Variants in TUT7 observed in about 807,000 individuals in gnomAD.
TUT7 encodes terminal uridylyl transferase 7.
A neutral mutation model predicts 165.9 loss-of-function variants in TUT7; 33 were observed. The ratio of observed to expected loss-of-function variants is 0.20; its 90% confidence interval spans 0.15 to 0.27. The LOEUF is 0.27. Ranked by LOEUF, TUT7 falls within the 10% of genes least tolerant of loss-of-function variation. TUT7 has a pLI of 1.00. For synonymous variants in TUT7, 552 were observed against 608.1 expected (o/e 0.91, Z 1.36); for missense variants, 1,338 against 1,762.3 (o/e 0.76, Z 4.31).
At chr9:86,353,985 C>T (rs1424326876) in intron 1 of TUT7, among the ~76,000 whole-genome samples, 1 of 152,194 alleles carries the variant, frequency 6.6e-6, no homozygotes, top group African/African-American at 2.4e-5. Flanking sequence ...CCTTTTGAGC[C>T]CGACGTGGAG....
intron 16 of TUT7, among the ~76,000 whole-genome samples, 173 bp from the exon 17 acceptor site, chr9:86,317,449 G>A (rs187883753): frequency 2.4e-4 from 37 of 152,212 alleles, no homozygotes; most frequent in Admixed American, 1.0e-3. Flanking sequence ...ATATCCTGAC[G>A]GTACAAAAAC....
chr9:86,333,943 C>T (rs1228002010), intron 10 of TUT7, among the ~76,000 whole-genome samples: 1 of 152,022 alleles, frequency 6.6e-6, no homozygotes, highest in Non-Finnish European at 1.5e-5. Flanking sequence ...CTGTGTTTCC[C>T]TAAAGACTTC....
intron 17 of TUT7, 121 bp downstream of exon 17, chr9:86,317,098 A>C: frequency 1.3e-6 from 1 of 750,232 alleles, no homozygotes; most frequent in Non-Finnish European, 2.2e-6. Context: ...CTGCTGGGGA[A>C]GGGAGGGTTG....
chr9:86,352,543 C>A, intron 2 of TUT7, 137 bp downstream of exon 2: 2 of 982,900 alleles, frequency 2.0e-6, no homozygotes, highest in Admixed American at 1.9e-5. Context: ...AATAATCACA[C>A]TAAGTGACCA....
chr9:86,303,168 C>T lies in TUT7; in HGVS notation c.4012G>A (p.Gly1338Arg). ...CATCTATCATTTGGGGCCAGCTCTCCTTCAGTTAACACATCTGGATCAAAA... is the reference window on the plus strand; with the variant it reads ...CATCTATCATTTGGGGCCAGCTCTCTTTCAGTTAACACATCTGGATCAAAA... ...YFFDPDVLTE[G>R]ELAPNDRCCR... Residue 1338 changes from glycine to arginine, a missense_variant, in exon 25 of 27, where the codon GGA becomes AGA. Around this residue, in one of 7 missense-constraint regions of TUT7, gnomAD observed 167 missense variants for 204.9 expected, o/e 0.82. Transcript: ENST00000375963. 6.2e-7 allele frequency: 1 copy of T among 1,609,352 alleles called. No homozygotes were observed.
intron 26 of TUT7, among the ~76,000 whole-genome samples, chr9:86,295,680 C>T (rs1055705338): frequency 1.2e-4 from 18 of 151,982 alleles, no homozygotes; most frequent in African/African-American, 3.6e-4. Flanking sequence ...CACTGGTTTT[C>T]GTTTTTTAAA....
chr9:86,312,919 C>T (rs1035927118), intron 17 of TUT7, among the ~76,000 whole-genome samples: 1 of 151,934 alleles, frequency 6.6e-6, no homozygotes, highest in Non-Finnish European at 1.5e-5. Flanking sequence ...GCAGCATGCT[C>T]GTTAAGAGTC....
chr9:86,308,558 A>G lies in TUT7; in HGVS notation c.3709T>C (p.Leu1237=), dbSNP rs781290945. The G allele has an allele frequency of 1.2e-6, 2 of 1,613,856 alleles. No individual in the cohort carries two copies. The highest frequency in any genetic ancestry group is 1.1e-5 in the South Asian group (1 of 91,026). Residue 1237 remains leucine, a synonymous_variant, in exon 22 of 27, where the codon TTA becomes CTA. Coordinates refer to ENST00000375963, the MANE Select transcript of TUT7 (RefSeq NM_024617.4). ...TAGAAACGAAGAAGGCCCAACCATA[A>G]CTGCCCAACAGATTCTGTATTTTTT... is the stretch of plus-strand genomic sequence containing the variant. ...CGKNTESVGQ[L]WLGLLRFYTE...
At position 86,301,547 on chromosome 9, in the gene TUT7, G is replaced by T. The variant is rs1374340732; in HGVS notation, c.4149C>A (p.Asn1383Lys). Reference protein sequence around the residue: ...EDALNQRYPENKEKRSKEDKE... With the variant: ...EDALNQRYPEKKEKRSKEDKE... Reference sequence around the variant, plus strand: ...TGTCCTCTTTGCTTCTTTTTTCCTTGTTCTCAGGGTATCTTTGGTTCAGGG... The same window carrying T: ...TGTCCTCTTTGCTTCTTTTTTCCTTTTTCTCAGGGTATCTTTGGTTCAGGG... Residue 1383 changes from asparagine to lysine, a missense_variant, in exon 26 of 27, where the codon AAC (asparagine) becomes AAA (lysine). Coordinates refer to ENST00000375963, the MANE Select transcript of TUT7 (RefSeq NM_024617.4). The T allele has an allele frequency of 2.5e-6, 4 of 1,612,740 alleles. No homozygotes were observed. The highest frequency in any genetic ancestry group is 1.6e-4 in the Middle Eastern group (1 of 6,082).
chr9:86,317,113 GT>G, intron 17 of TUT7, 105 bp downstream of exon 17: 1 of 911,482 alleles, frequency 1.1e-6, no homozygotes, highest in Admixed American at 2.1e-5. Flanking sequence ...GGGTTGAGGG[GT>G]GATGGGTGGG....
In TUT7 at chr9:86,353,066, C is replaced by G; in HGVS notation, c.134G>C (p.Ser45Thr). Residue 45 changes from serine to threonine, a missense_variant, in exon 2 of 27, where the codon AGT (serine) becomes ACT (threonine). Ser to Thr is a moderately conservative substitution (Grantham distance 58, BLOSUM62 1). Transcript: ENST00000375963. ...IIDDHAKGHGSKMEKGLQKKK... is the reference protein window; with the variant it reads ...IIDDHAKGHGTKMEKGLQKKK... The stretch of plus-strand genomic sequence containing the variant: ...TTTTTGAAGGCCCTTTTCCATTTTA[C>G]TGCCATGGCCTTTAGCATGGTCATC... 3 of 1,614,170 alleles carry G rather than the reference C, an allele frequency of 1.9e-6. No individual in the cohort carries two copies. The highest frequency in any genetic ancestry group is 2.5e-6 in the Non-Finnish European group (3 of 1,180,026).
At chr9:86,301,696 A>G in intron 25 of TUT7, 95 bp from the exon 26 acceptor site, 1 of 1,514,768 alleles carries the variant, frequency 6.6e-7, no homozygotes, top group Non-Finnish European at 8.8e-7. Flanking sequence ...TCTAGATTTA[A>G]GAGATGACCA....
At chr9:86,296,997 T>C (rs1402092805) in intron 26 of TUT7, among the ~76,000 whole-genome samples, 1 of 152,248 alleles carries the variant, frequency 6.6e-6, no homozygotes, top group African/African-American at 2.4e-5. Context: ...TGGTATAAAG[T>C]AACATAATTA....
In TUT7 at chr9:86,308,333, C is replaced by T. The variant is rs546518000; in HGVS notation, c.3838+96G>A. 1.3e-4 allele frequency: 158 copies of T among 1,170,770 alleles called. No individual in the cohort carries two copies. Among genetic ancestry groups the T allele is most frequent in the Non-Finnish European group, 1.7e-4 (144 of 843,608 alleles). 72.5% of individuals were successfully genotyped at this position (1,170,770 alleles called of 1,614,324 possible). On this transcript the variant is annotated intron_variant, in intron 22 of 26. Transcript: ENST00000375963. The stretch of plus-strand genomic sequence containing the variant: ...CAATGAGACTGGGGCACTGCACACC[C>T]CAAGCAGCTGGAAGAGCTCTGCAAG...
intron 2 of TUT7, among the ~76,000 whole-genome samples, chr9:86,350,304 C>A (rs557714131): frequency 6.6e-6 from 1 of 152,200 alleles, no homozygotes; most frequent in South Asian, 2.1e-4. Flanking sequence ...GCACTCCAGC[C>A]TGGGCTACAG....
rs1217394605 is a variant in TUT7, at chr9:86,337,505, G to C, written c.1369C>G (p.Leu457Val). 1.2e-6 allele frequency: 2 copies of C among 1,613,638 alleles called. No homozygotes were observed. The highest frequency in any genetic ancestry group is 3.3e-5 in the Admixed American group (2 of 59,918). Residue 457 changes from leucine to valine, a missense_variant, in exon 10 of 27, where the codon CTG (leucine) becomes GTG (valine). Leu to Val is a conservative substitution (Grantham distance 32). Around this residue, in one of 7 missense-constraint regions of TUT7, gnomAD observed 74 missense variants for 128.5 expected, o/e 0.58. Transcript: ENST00000375963. ...ATCAGGGCAAACACATAAGGTGGCA[G>C]ACCTCCTTCTTCAGGGCGATCTATA... is the stretch of plus-strand genomic sequence containing the variant. ...CSIDRPEEGG[L>V]PPYVFALMAI...
intron 24 of TUT7, among the ~76,000 whole-genome samples, chr9:86,304,057 G>A (rs894008486): frequency 3.3e-5 from 5 of 152,134 alleles, no homozygotes; most frequent in Admixed American, 6.5e-5. Flanking sequence ...GATCTATTGC[G>A]CAGCAGGGTG....
At chr9:86,310,230 T>C (rs1237761609) in intron 18 of TUT7, among the ~76,000 whole-genome samples, 3 of 152,106 alleles carry the variant, frequency 2.0e-5, no homozygotes, top group Admixed American at 2.0e-4. Flanking sequence ...GATGAAAAGA[T>C]TTTAAACTGG....
chr9:86,312,059 G>A (rs1828151598), intron 17 of TUT7, among the ~76,000 whole-genome samples: 1 of 152,118 alleles, frequency 6.6e-6, no homozygotes, highest in African/African-American at 2.4e-5. Flanking sequence ...GGGAAGTGAG[G>A]AGCATCTGTG....
Sources: allele counts gnomAD v4.1 joint callset (sites outside exome capture counted in the v4.1 genomes callset), GRCh38; gene constraint gnomAD v4.1.1; regional missense constraint gnomAD v4.1.1; transcripts MANE v1.5; gene names NCBI Gene and HGNC (gene_info 2026-07-23, HGNC 2026-07-21).